Variants in ADGRL3 observed in about 807,000 individuals in gnomAD.
ADGRL3 encodes the protein adhesion G protein-coupled receptor L3, also known as calcium-independent alpha-latrotoxin receptor 3.
In ADGRL3, 62 loss-of-function variants were observed where a neutral mutation model predicts 153.5. The observed-to-expected ratio is 0.40, with a 90% CI of 0.33 to 0.50. ADGRL3 has a LOEUF of 0.50. Among genes scored for constraint, ADGRL3 ranks in the 20% least tolerant of loss-of-function variants. The pLI, the probability that ADGRL3 is intolerant of heterozygous loss-of-function variation, is 0.47. For missense variants in ADGRL3, 1,641 were observed against 1,859.4 expected, an observed-to-expected ratio of 0.88 and a Z score of 2.16; for synonymous variants, 710 against 672.5, an observed-to-expected ratio of 1.06 and a Z score of -0.86.
chr4:61,947,960 C>G (rs569214407), intron 16 of ADGRL3, 140 bp from the exon 17 acceptor site: 38 of 625,792 alleles, frequency 6.1e-5, no homozygotes, highest in Non-Finnish European at 9.2e-5. Flanking sequence ...ATTGTTGAGG[C>G]CCACTTATGA....
chr4:61,435,724 C>T (rs1294850673), intron 2 of ADGRL3, among the ~76,000 whole-genome samples: 1 of 151,530 alleles, frequency 6.6e-6, no homozygotes, highest in Non-Finnish European at 1.5e-5. Context: ...TTGTCCTTCA[C>T]CTTCCATTCT....
intron 19 of ADGRL3, among the ~76,000 whole-genome samples, chr4:61,986,250 A>AAATAT (rs1257623567): frequency 6.6e-6 from 1 of 152,132 alleles, no homozygotes; most frequent in African/African-American, 2.4e-5. Context: ...ATGCTATTTC[A>AAATAT]AATATTGTTG....
At chr4:61,715,560 A>G (rs1349200622) in intron 6 of ADGRL3, among the ~76,000 whole-genome samples, 3 of 152,152 alleles carry the variant, frequency 2.0e-5, no homozygotes, top group African/African-American at 4.8e-5. Flanking sequence ...TGAAAGCAAG[A>G]TGTTTATTCA....
chr4:61,767,148 G>A (rs1202616865), intron 8 of ADGRL3, among the ~76,000 whole-genome samples: 1 of 151,816 alleles, frequency 6.6e-6, no homozygotes, highest in East Asian at 1.9e-4. Flanking sequence ...TGTGGGTTAA[G>A]GTTGGGGGAT....
chr4:61,228,138 A>G (rs994205912), intron 1 of ADGRL3, among the ~76,000 whole-genome samples: 2 of 152,124 alleles, frequency 1.3e-5, no homozygotes, highest in Admixed American at 6.5e-5. Flanking sequence ...GAAGTAATTC[A>G]TAGCTGTAAC....
At chr4:61,623,114 G>T (rs931076453) in intron 5 of ADGRL3, among the ~76,000 whole-genome samples, 6 of 152,000 alleles carry the variant, frequency 3.9e-5, no homozygotes, top group African/African-American at 9.7e-5. Flanking sequence ...TCCCACAATG[G>T]CCTGGAATAA....
intron 6 of ADGRL3, among the ~76,000 whole-genome samples, chr4:61,699,198 CAA>C (rs1163318163): frequency 6.6e-6 from 1 of 151,862 alleles, no homozygotes; most frequent in Admixed American, 6.6e-5. Flanking sequence ...CTGAATTCTC[CAA>C]AAGTGATTTT....
chr4:61,377,203 C>T (rs946111189), intron 1 of ADGRL3, among the ~76,000 whole-genome samples: 4 of 152,028 alleles, frequency 2.6e-5, no homozygotes, highest in Non-Finnish European at 5.9e-5. Context: ...CTAGCCCATC[C>T]TCCTATCCTG....
At chr4:61,855,127 A>C (rs567057695) in intron 9 of ADGRL3, among the ~76,000 whole-genome samples, 97 of 152,320 alleles carry the variant, frequency 6.4e-4, no homozygotes, top group African/African-American at 2.2e-3. Context: ...AAAACTATGG[A>C]GTTTAGTTAA....
intron 23 of ADGRL3, among the ~76,000 whole-genome samples, chr4:62,032,127 TTGAA>T (rs1722438410): frequency 6.6e-6 from 1 of 151,486 alleles, no homozygotes; most frequent in African/African-American, 2.4e-5. Flanking sequence ...TTTATATTTT[TTGAA>T]TGAATGATGG....
chr4:61,821,284 T>C (rs2097753837), intron 9 of ADGRL3, among the ~76,000 whole-genome samples: 1 of 151,840 alleles, frequency 6.6e-6, no homozygotes, highest in Admixed American at 6.6e-5. Flanking sequence ...TATAAAAAAT[T>C]GACAATTATT....
intron 5 of ADGRL3, among the ~76,000 whole-genome samples, chr4:61,638,177 A>T (rs1449852887): frequency 6.6e-6 from 1 of 152,216 alleles, no homozygotes; most frequent in Non-Finnish European, 1.5e-5. Flanking sequence ...ACAAACTGGC[A>T]TATTCCTACA....
Position 61,281,063 on chromosome 4 carries a change from T to A in ADGRL3, c.-240+79298T>A, listed in dbSNP as rs1269713786. ...GGTATTTATCATATATATTAGTTAA[T>A]ACTTCCAGTAATTACTGGTATTTAT... On this transcript the variant is annotated intron_variant, in intron 1 of 26. Coordinates refer to ENST00000683033, the MANE Select transcript of ADGRL3 (RefSeq NM_001387552.1). Among the ~76,000 whole-genome samples the A allele has an allele frequency of 6.6e-5, 10 of 152,098 alleles. No homozygotes were observed. The East Asian group carries it at 1.9e-3, about 29-fold the overall frequency.
At chr4:61,688,106 C>G (rs963565565) in intron 6 of ADGRL3, among the ~76,000 whole-genome samples, 1 of 152,000 alleles carries the variant, frequency 6.6e-6, no homozygotes, top group Non-Finnish European at 1.5e-5. Context: ...GTTCTTCATA[C>G]TATATATTAT....
At chr4:61,587,146 A>C in intron 4 of ADGRL3, 81 bp from the exon 5 acceptor site, 1 of 852,174 alleles carries the variant, frequency 1.2e-6, no homozygotes, top group South Asian at 1.7e-5. Context: ...TTTACCCCAA[A>C]CATTGGAAAA....
intron 8 of ADGRL3, among the ~76,000 whole-genome samples, chr4:61,761,209 T>A (rs910813489): frequency 3.9e-5 from 6 of 152,196 alleles, no homozygotes; most frequent in East Asian, 1.9e-4. Flanking sequence ...TAAACCATAA[T>A]TTCTAAACTT....
In ADGRL3 at chr4:61,676,855, T is replaced by C. The variant is rs772322511; in HGVS notation, c.503T>C (p.Val168Ala). 2 of 1,612,188 alleles carry C rather than the reference T, an allele frequency of 1.2e-6. No individual in the cohort carries two copies. The highest frequency in any genetic ancestry group is 1.7e-6 in the Non-Finnish European group (2 of 1,178,596). ...RCNNRTQCAV[V>A]AGPDVFPDPC... The stretch of plus-strand genomic sequence containing the variant: ...AATAACAGAACCCAGTGTGCAGTGG[T>C]GGCAGGTCCTGATGTTTTTCCAGAC... The change falls in exon 6 of 27, where the codon GTG (valine) becomes GCG (alanine). Residue 168 changes from valine to alanine, a missense_variant. Coordinates refer to ENST00000683033, the MANE Select transcript of ADGRL3 (RefSeq NM_001387552.1).
At chr4:62,034,756 T>C (rs913896936) in intron 23 of ADGRL3, among the ~76,000 whole-genome samples, 1 of 151,932 alleles carries the variant, frequency 6.6e-6, no homozygotes, top group African/African-American at 2.4e-5. Flanking sequence ...AAAATTTTTG[T>C]ATCTCAGTCT....
At chr4:61,336,571 C>T (rs1272662336) in intron 1 of ADGRL3, among the ~76,000 whole-genome samples, 1 of 152,072 alleles carries the variant, frequency 6.6e-6, no homozygotes, top group Non-Finnish European at 1.5e-5. Flanking sequence ...GCTTGTTTTC[C>T]TCAGCGTGTG....
Sources: gnomAD v4.1 joint callset for allele counts (sites outside exome capture counted in the v4.1 genomes callset) on GRCh38, gnomAD v4.1.1 for gene constraint, MANE v1.5 for transcripts, NCBI Gene and HGNC (gene_info 2026-07-23, HGNC 2026-07-21) for gene names.